The following RCC1 variants were observed in gnomAD, a reference collection of about 807,000 sequenced individuals.
RCC1 encodes regulator of chromosome condensation.
Under a neutral mutation model 44.4 loss-of-function variants are expected in RCC1, and 11 were observed. The ratio of observed to expected loss-of-function variants is 0.25; its 90% confidence interval spans 0.16 to 0.41. The LOEUF (loss-of-function observed/expected upper bound fraction) is 0.41. Ranked by LOEUF, RCC1 falls within the 10% of genes least tolerant of loss-of-function variation. RCC1 has a pLI of 1.00. For synonymous variants in RCC1, 213 were observed against 216.5 expected, an observed-to-expected ratio of 0.98 and a Z score of 0.14; for missense variants, 386 against 547.1, an observed-to-expected ratio of 0.71 and a Z score of 2.94.
chr1:28,534,855 TTGCATCCGCTCTC>T (rs1664444549), intron 7 of RCC1, among the ~76,000 whole-genome samples, 182 bp from the exon 8 acceptor site: 1 of 152,208 alleles, frequency 6.6e-6, no homozygotes, highest in South Asian at 2.1e-4. Context: ...TTATCTCTAT[TTGCATCCGCTCTC>T]TGACTCCTTG....
chr1:28,515,873 C>G (rs1481805931), intron 3 of RCC1, among the ~76,000 whole-genome samples: 2 of 151,818 alleles, frequency 1.3e-5, no homozygotes, highest in African/African-American at 4.8e-5. Flanking sequence ...ATGGTGAAAC[C>G]CGGTCTCTAC....
intron 3 of RCC1, among the ~76,000 whole-genome samples, chr1:28,516,116 G>T (rs1448192802): frequency 6.6e-6 from 1 of 151,788 alleles, no homozygotes; most frequent in Non-Finnish European, 1.5e-5. Flanking sequence ...CCAGGAGGAA[G>T]AGGTTGCAGT....
chr1:28,510,934 G>C (rs1662490228), intron 3 of RCC1: 1 of 152,200 alleles, frequency 6.6e-6, no homozygotes, highest in Non-Finnish European at 1.5e-5. Context: ...ACTCAGGTGG[G>C]TTTGGGTAAC....
chr1:28,523,117 T>C (rs1181448021), intron 4 of RCC1, among the ~76,000 whole-genome samples: 2 of 147,068 alleles, frequency 1.4e-5, no homozygotes, highest in African/African-American at 2.5e-5. Flanking sequence ...CTGCAAGCTC[T>C]GCCTCCCGGG....
In RCC1 at chr1:28,508,916, T is replaced by A; in HGVS notation, c.-153+11T>A. On this transcript the variant is annotated intron_variant, in intron 3 of 12. Transcript: ENST00000683442. ...TAGAAGGGAGAGTAGGTAAACTGAT[T>A]TTTTTTTTTAACAGGGAGGGTTTGA... 1 of 474,328 alleles carries A rather than the reference T, an allele frequency of 2.1e-6. No homozygotes were observed. Among genetic ancestry groups the A allele is most frequent in the Non-Finnish European group, 4.0e-6 (1 of 248,326 alleles). 29.4% of individuals were successfully genotyped at this position (474,328 alleles called of 1,614,324 possible). A position where few individuals can be genotyped will look rare whatever the true frequency, so the allele number is the denominator to read the frequency against.
chr1:28,506,982 G>A (rs2840758), intron 1 of RCC1: 62,989 of 164,908 alleles, frequency 0.38, 14,004 homozygotes, highest in African/African-American at 0.62. Context: ...TGGAAGCATT[G>A]CGTTTCGTAA....
chr1:28,512,536 A>AT (rs1353236171), intron 3 of RCC1, among the ~76,000 whole-genome samples: 1 of 151,636 alleles, frequency 6.6e-6, no homozygotes, highest in Non-Finnish European at 1.5e-5. Context: ...TTCTTTGCTT[A>AT]TTTTGGGGTT....
At chr1:28,509,236 ACT>A (rs916838718) in intron 3 of RCC1, 39 of 244,676 alleles carry the variant, frequency 1.6e-4, no homozygotes, top group Admixed American at 8.8e-4. Flanking sequence ...CACAGAAGTG[ACT>A]CTGCTTGGCC....
chr1:28,528,718 C>T (rs1663865010), intron 4 of RCC1, among the ~76,000 whole-genome samples: 2 of 151,352 alleles, frequency 1.3e-5, no homozygotes, highest in Non-Finnish European at 2.9e-5. Context: ...ATCTATAATA[C>T]CATTTTCCGA....
intron 4 of RCC1, among the ~76,000 whole-genome samples, chr1:28,520,639 C>A (rs1270007074): frequency 6.6e-6 from 1 of 152,094 alleles, no homozygotes; most frequent in Non-Finnish European, 1.5e-5. Flanking sequence ...CTGTAGCCGA[C>A]TTATCTGTGA....
intron 4 of RCC1, chr1:28,518,259 C>A (rs1417560106): frequency 2.6e-5 from 4 of 152,358 alleles, no homozygotes; most frequent in Admixed American, 6.5e-5. Context: ...TGGGGCAGTT[C>A]GCGGCCCGGC....
At chr1:28,530,418 C>T in intron 5 of RCC1, 1 of 1,010,212 alleles carries the variant, frequency 9.9e-7, no homozygotes, top group South Asian at 1.5e-5. Flanking sequence ...GCTGTGGTTT[C>T]CTCTGTCCTG....
At chr1:28,511,107 G>C (rs772780620) in intron 3 of RCC1, among the ~76,000 whole-genome samples, 1 of 152,126 alleles carries the variant, frequency 6.6e-6, no homozygotes, top group South Asian at 2.1e-4. Context: ...TCTTTGTGTA[G>C]GCAGACAGTA....
At chr1:28,535,480 A>G in intron 9 of RCC1, 100 bp downstream of exon 9, 1 of 1,561,308 alleles carries the variant, frequency 6.4e-7, no homozygotes, top group East Asian at 2.3e-5. Flanking sequence ...CTTGCATCAG[A>G]TGGGCTTGTG....
chr1:28,527,603 A>G (rs1663757512), intron 4 of RCC1, among the ~76,000 whole-genome samples: 1 of 152,198 alleles, frequency 6.6e-6, no homozygotes, highest in Non-Finnish European at 1.5e-5. Context: ...TGATTATAAC[A>G]ACACATTACC....
At chr1:28,507,600 C>CT (rs34452349) in intron 1 of RCC1, 19,713 of 341,268 alleles carry the variant, frequency 0.058, 421 homozygotes, top group African/African-American at 0.072. Flanking sequence ...GGATTGAAGT[C>CT]TTTTTTTTTT....
At chr1:28,521,566 G>C (rs1188280735) in intron 4 of RCC1, among the ~76,000 whole-genome samples, 1 of 151,144 alleles carries the variant, frequency 6.6e-6, no homozygotes, top group African/African-American at 2.4e-5. Context: ...GCGATTGCCA[G>C]CCCAGTGCAG....
intron 1 of RCC1, chr1:28,506,875 T>C (rs1661987927): frequency 6.3e-6 from 1 of 158,298 alleles, no homozygotes; most frequent in South Asian, 1.7e-4. Flanking sequence ...CTTATTTTTG[T>C]ATTTTTAGTA....
Position 28,535,280 on chromosome 1 carries a change from G to A in RCC1, c.561G>A (p.Leu187=). 1 of 1,614,170 alleles carries A rather than the reference G, an allele frequency of 6.2e-7. No homozygotes were observed. Among genetic ancestry groups the A allele is most frequent in the Non-Finnish European group, 8.5e-7 (1 of 1,180,028 alleles). ...VASGNDHLVM[L]TADGDLYTLG... is the part of the protein sequence containing the mutation. ...TAGGAAACGACCACTTGGTGATGCT[G>A]ACAGCTGATGGTGACCTCTACACCT... The change falls in exon 9 of 13, where the codon CTG becomes CTA. Residue 187 remains leucine (L), a synonymous_variant. Coordinates refer to ENST00000683442, the MANE Select transcript of RCC1 (RefSeq NM_001381865.2).
Sources: gnomAD v4.1 joint callset for allele counts (sites outside exome capture counted in the v4.1 genomes callset) on GRCh38, gnomAD v4.1.1 for gene constraint, MANE v1.5 for transcripts, NCBI Gene and HGNC (gene_info 2026-07-23, HGNC 2026-07-21) for gene names.